SEPTIN9: variants seen among roughly 807,000 people sequenced by gnomAD.
The protein encoded by SEPTIN9 is septin 9.
Under a neutral mutation model 56.6 loss-of-function variants are expected in SEPTIN9, and 13 were observed. The observed-to-expected ratio is 0.23, with a 90% CI of 0.15 to 0.37. The LOEUF (loss-of-function observed/expected upper bound fraction) is 0.37, where lower values mean the gene tolerates loss of function less well. Ranked by LOEUF, SEPTIN9 falls within the 10% of genes least tolerant of loss-of-function variation. The pLI is 1.00. For synonymous variants in SEPTIN9, 332 were observed against 334.1 expected (o/e 0.99, Z 0.07); for missense variants, 650 against 823.1 (o/e 0.79, Z 2.57).
Position 77,402,824 on chromosome 17 carries a change from C to A in SEPTIN9, c.721+121C>A. The A allele has an allele frequency of 1.9e-6, 2 of 1,036,216 alleles. No homozygotes were observed. The highest frequency in any genetic ancestry group is 2.7e-6 in the Non-Finnish European group (2 of 733,308). 64.2% of individuals were successfully genotyped at this position (1,036,216 alleles called of 1,614,324 possible). On this transcript the variant is annotated intron_variant, in intron 3 of 11. Coordinates refer to ENST00000427177, the MANE Select transcript of SEPTIN9 (RefSeq NM_001113491.2). This position sits in a 1 kb window ranked among gnomAD's most constrained non-coding sequence, Gnocchi z 6.6. ...GGTGGAGGGTGCTACCCTGGAGACCCAGAAAGACCGGAATGCATGGGGGTG... is the reference window on the plus strand; with the variant it reads ...GGTGGAGGGTGCTACCCTGGAGACCAAGAAAGACCGGAATGCATGGGGGTG...
chr17:77,282,888 G>A (rs1307748389), intron 1 of SEPTIN9, among the ~76,000 whole-genome samples: 2 of 152,188 alleles, frequency 1.3e-5, no homozygotes, highest in Admixed American at 6.5e-5. Context: ...GCCCTTTCCA[G>A]GGGATCTCTA....
intron 3 of SEPTIN9, among the ~76,000 whole-genome samples, chr17:77,422,790 G>C (rs150622060): frequency 6.6e-6 from 1 of 152,114 alleles, no homozygotes; most frequent in Non-Finnish European, 1.5e-5. Flanking sequence ...ATTCCCTGCC[G>C]AAATGCAGCT....
chr17:77,482,427 T>G, intron 4 of SEPTIN9, 92 bp downstream of exon 4: 1 of 1,290,428 alleles, frequency 7.7e-7, no homozygotes, highest in Non-Finnish European at 1.1e-6. Context: ...TGGTCTTCCC[T>G]TCTGTAAAAT....
Position 77,482,313 on chromosome 17 carries a change from C to T in SEPTIN9, c.891C>T (p.Phe297=), listed in dbSNP as rs570327771. Residue 297 remains phenylalanine, a synonymous_variant, in exon 4 of 12, where the codon TTC becomes TTT. Transcript: ENST00000427177. ...QMRRKAMKQG[F]EFNIMVVGQS... is the part of the protein sequence containing the mutation. ...GCCGGAAGGCCATGAAGCAGGGCTT[C>T]GAGTTCAACATCATGGTGGTCGGTG... is the stretch of plus-strand genomic sequence containing the variant. 74 of 1,612,920 alleles carry T rather than the reference C, an allele frequency of 4.6e-5. 3 individuals are homozygous for T. In the South Asian group the frequency reaches 7.6e-4, roughly 17 times the overall value.
At chr17:77,376,887 C>G (rs2034945405) in intron 2 of SEPTIN9, 1 of 152,550 alleles carries the variant, frequency 6.6e-6, no homozygotes, top group Non-Finnish European at 1.5e-5. Flanking sequence ...CCGCCTGTCC[C>G]CTTCACCCAG....
rs1297078766 is a variant in SEPTIN9 at position 77,476,037 on chromosome 17, C to G, written c.722-6107C>G. 9 of 960,000 alleles carry G rather than the reference C, an allele frequency of 9.4e-6. No individual in the cohort carries two copies. In the Admixed American group the frequency reaches 2.0e-4, roughly 22 times the overall value. The allele number at this position is 960,000 out of a possible 1,614,324, so 59.5% of individuals were successfully genotyped here. On this transcript the variant is annotated intron_variant, in intron 3 of 11. Transcript: ENST00000427177. This position sits in a 1 kb window ranked among gnomAD's most constrained non-coding sequence, Gnocchi z 6.0. ...GGGTGCAGGCCCGGCTGTCACTCCC[C>G]TGGAGCTGGGAATGGCATTGGGCGG...
chr17:77,452,005 C>T (rs2144413053), intron 3 of SEPTIN9, among the ~76,000 whole-genome samples: 1 of 152,306 alleles, frequency 6.6e-6, no homozygotes, highest in East Asian at 1.9e-4. Flanking sequence ...AGTCTCAATG[C>T]TCGAAATGCC....
At chr17:77,399,830 C>T (rs1198061406) in intron 2 of SEPTIN9, among the ~76,000 whole-genome samples, 3 of 152,116 alleles carry the variant, frequency 2.0e-5, no homozygotes, top group African/African-American at 4.8e-5. Context: ...GACACCATGT[C>T]GGGAGCCCAC....
intron 3 of SEPTIN9, among the ~76,000 whole-genome samples, chr17:77,411,026 A>G (rs936321526): frequency 6.6e-6 from 1 of 151,398 alleles, no homozygotes; most frequent in African/African-American, 2.4e-5. Context: ...CGGAGGTTGC[A>G]GTGAGCTGAG....
intron 2 of SEPTIN9, chr17:77,373,263 T>C: frequency 1.8e-6 from 2 of 1,137,348 alleles, no homozygotes; most frequent in East Asian, 4.3e-5. Context: ...TGCGGGAACC[T>C]GATCCGCCCG....
At chr17:77,457,187 C>T (rs2038242860) in intron 3 of SEPTIN9, among the ~76,000 whole-genome samples, 1 of 152,182 alleles carries the variant, frequency 6.6e-6, no homozygotes. Context: ...CACCCGATGG[C>T]ACAGGGTCAC....
rs566681259 is a variant in SEPTIN9 at position 77,412,464 on chromosome 17, T to G, written c.721+9761T>G. Among the ~76,000 whole-genome samples the G allele has an allele frequency of 2.0e-5, 3 of 152,232 alleles. No homozygotes were observed. The South Asian group carries it at 6.2e-4, about 32-fold the overall frequency. ...AAAAGAGTTCTTTGTAAGCCAGGCG[T>G]GATGGCTAACACCTATAATCCCAGC... On this transcript the variant is annotated intron_variant, in intron 3 of 11. Transcript: ENST00000427177.
chr17:77,344,077 C>T (rs1269101692), intron 2 of SEPTIN9, among the ~76,000 whole-genome samples: 3 of 151,904 alleles, frequency 2.0e-5, no homozygotes, highest in Admixed American at 6.6e-5. Flanking sequence ...CTACCAATGG[C>T]GTGAAAAGGA....
intron 2 of SEPTIN9, among the ~76,000 whole-genome samples, chr17:77,340,670 T>G (rs1244719740): frequency 1.3e-5 from 2 of 152,200 alleles, no homozygotes; most frequent in East Asian, 3.8e-4. Flanking sequence ...AGGCATTGAC[T>G]TCTCCCCTCT....
chr17:77,290,331 C>G (rs1339510485), intron 1 of SEPTIN9, among the ~76,000 whole-genome samples: 1 of 150,920 alleles, frequency 6.6e-6, no homozygotes, highest in East Asian at 2.0e-4. Flanking sequence ...GATCTCCGCT[C>G]ACTGCAAGCT....
chr17:77,442,895 A>G (rs1383499001), intron 3 of SEPTIN9, among the ~76,000 whole-genome samples: 4 of 152,094 alleles, frequency 2.6e-5, no homozygotes, highest in Admixed American at 2.6e-4. Flanking sequence ...AAAAAAAAAA[A>G]AGCACATATT....
chr17:77,475,252 C>G lies in SEPTIN9; in HGVS notation c.722-6892C>G. ...GCACACATCATTATTCAGTTACCAT[C>G]GTGGGGAGACTGTCTGGACGCAGAG... On this transcript the variant is annotated intron_variant, in intron 3 of 11. Coordinates refer to ENST00000427177, the MANE Select transcript of SEPTIN9 (RefSeq NM_001113491.2). This position sits in a 1 kb window ranked among gnomAD's most constrained non-coding sequence, Gnocchi z 4.6. 1.5e-6 allele frequency: 2 copies of G among 1,370,012 alleles called. No individual in the cohort carries two copies. The highest frequency in any genetic ancestry group is 1.7e-5 in the South Asian group (1 of 58,888). 84.9% of individuals were successfully genotyped at this position (1,370,012 alleles called of 1,614,324 possible).
In SEPTIN9 at chr17:77,458,606, G is replaced by A. The variant is rs188526815; in HGVS notation, c.722-23538G>A. Among the ~76,000 whole-genome samples the A allele has an allele frequency of 2.2e-3, 336 of 152,328 alleles. 9 individuals are homozygous for A. The South Asian group carries it at 0.055, about 25-fold the overall frequency. On this transcript the variant is annotated intron_variant, in intron 3 of 11. Coordinates refer to ENST00000427177, the MANE Select transcript of SEPTIN9 (RefSeq NM_001113491.2). ...AGGGACCATTTTGAGGACAAACGGG[G>A]ATGAAACTGAAGAGGCTCAGCACGG...
At chr17:77,356,634 A>C in intron 2 of SEPTIN9, among the ~76,000 whole-genome samples, 2 of 112,256 alleles carry the variant, frequency 1.8e-5, no homozygotes, top group Non-Finnish European at 3.7e-5. Context: ...TCTTGTTCTT[A>C]TTTCTCCTCT....
Sources: allele counts gnomAD v4.1 joint callset (sites outside exome capture counted in the v4.1 genomes callset), GRCh38; gene constraint gnomAD v4.1.1; non-coding constraint Gnocchi (gnomAD v3.1); transcripts MANE v1.5; gene names NCBI Gene and HGNC (gene_info 2026-07-23, HGNC 2026-07-21).